ENTREP2: variants seen among roughly 807,000 people sequenced by gnomAD.
The protein encoded by ENTREP2 is protein ENTREP2.
At chr15:29,292,673 G>A in the ENTREP2 span, among the ~76,000 whole-genome samples, 1,405 of 152,196 alleles carry the variant, frequency 9.2e-3, 20 homozygotes, top group Admixed American at 0.038. Flanking sequence ...GAGCCACTGC[G>A]CCCAGCAATG....
At chr15:29,465,017 G>C in the ENTREP2 span, among the ~76,000 whole-genome samples, 2 of 152,040 alleles carry the variant, frequency 1.3e-5, no homozygotes, top group African/African-American at 4.8e-5. Flanking sequence ...GGACACAGTG[G>C]AAAGGAAAAA....
the ENTREP2 span, among the ~76,000 whole-genome samples, chr15:29,543,794 C>T: frequency 6.7e-6 from 1 of 150,274 alleles, no homozygotes; most frequent in Non-Finnish European, 1.5e-5. Flanking sequence ...AAAAAAAAAT[C>T]CCCCAAAAAA....
At chr15:29,571,225 G>C in the ENTREP2 span, among the ~76,000 whole-genome samples, 1 of 152,182 alleles carries the variant, frequency 6.6e-6, no homozygotes, top group Non-Finnish European at 1.5e-5. Context: ...GCAGGTCTGC[G>C]GAAGGAGAGC....
chr15:29,223,895 G>C, the ENTREP2 span, among the ~76,000 whole-genome samples: 3 of 152,190 alleles, frequency 2.0e-5, no homozygotes, highest in South Asian at 2.1e-4. Context: ...AGACGTCCCA[G>C]TGCACATGAA....
At chr15:29,321,137 G>T in the ENTREP2 span, among the ~76,000 whole-genome samples, 2 of 152,004 alleles carry the variant, frequency 1.3e-5, no homozygotes, top group Non-Finnish European at 2.9e-5. Context: ...AAAACTCTAC[G>T]CTGAGGCATC....
At chr15:29,312,563 A>C in the ENTREP2 span, among the ~76,000 whole-genome samples, 2 of 152,164 alleles carry the variant, frequency 1.3e-5, no homozygotes, top group South Asian at 4.1e-4. Context: ...AGTACATTTC[A>C]AACTTTTTCA....
the ENTREP2 span, among the ~76,000 whole-genome samples, chr15:29,167,674 T>C: frequency 6.6e-6 from 1 of 152,186 alleles, no homozygotes; most frequent in Non-Finnish European, 1.5e-5. Flanking sequence ...ACAGTAGATG[T>C]TGACATGGAT....
the ENTREP2 span, among the ~76,000 whole-genome samples, chr15:29,541,599 G>A: frequency 4.1e-4 from 63 of 152,100 alleles, no homozygotes; most frequent in Non-Finnish European, 7.2e-4. Context: ...CTGGGACCTC[G>A]GAGTCAGCTT....
At chr15:29,442,534 T>C in the ENTREP2 span, among the ~76,000 whole-genome samples, 1 of 152,236 alleles carries the variant, frequency 6.6e-6, no homozygotes, top group Admixed American at 6.5e-5. Context: ...GAACCAGTTC[T>C]GTTCTGCAAC....
At chr15:29,175,499 C>T in the ENTREP2 span, among the ~76,000 whole-genome samples, 2 of 152,178 alleles carry the variant, frequency 1.3e-5, no homozygotes, top group Admixed American at 6.5e-5. Context: ...GATTATGAGA[C>T]GCCCATCCAA....
the ENTREP2 span, among the ~76,000 whole-genome samples, chr15:29,210,560 A>C: frequency 1.3e-5 from 2 of 152,218 alleles, no homozygotes; most frequent in Non-Finnish European, 2.9e-5. Flanking sequence ...TCTAGGTTGC[A>C]CGCTCCTTAT....
the ENTREP2 span, among the ~76,000 whole-genome samples, chr15:29,210,897 TCTAA>T: frequency 6.6e-6 from 1 of 152,216 alleles, no homozygotes; most frequent in Admixed American, 6.5e-5. Context: ...TACAGCCTTC[TCTAA>T]CTATCTCTTA....
chr15:29,192,674 A>G, the ENTREP2 span, among the ~76,000 whole-genome samples: 1 of 152,214 alleles, frequency 6.6e-6, no homozygotes, highest in Non-Finnish European at 1.5e-5. Context: ...GGAAGAGTCA[A>G]ATGCAAATAC....
chr15:29,184,484 T>C, the ENTREP2 span, among the ~76,000 whole-genome samples: 1 of 152,256 alleles, frequency 6.6e-6, no homozygotes, highest in East Asian at 1.9e-4. Flanking sequence ...GAGGAAGCAA[T>C]GGATCTGGCA....
chr15:29,423,580 G>A, the ENTREP2 span, among the ~76,000 whole-genome samples: 1,477 of 150,410 alleles, frequency 9.8e-3, 34 homozygotes, highest in East Asian at 0.078. Flanking sequence ...GCGGTCAGGA[G>A]ATCGAGACCA....
At chr15:29,150,543 G>C in the ENTREP2 span, among the ~76,000 whole-genome samples, 1 of 152,124 alleles carries the variant, frequency 6.6e-6, no homozygotes, top group South Asian at 2.1e-4. Flanking sequence ...ACACGTTGGA[G>C]AAAATTGCCA....
At chr15:29,467,980 A>G in the ENTREP2 span, among the ~76,000 whole-genome samples, 1 of 152,082 alleles carries the variant, frequency 6.6e-6, no homozygotes, top group Admixed American at 6.5e-5. Context: ...TCCAGATGCC[A>G]AACAAACCGC....
chr15:29,618,348 G>T, the ENTREP2 span, among the ~76,000 whole-genome samples: 2 of 151,784 alleles, frequency 1.3e-5, no homozygotes, highest in Non-Finnish European at 2.9e-5. Flanking sequence ...GATTGAACCC[G>T]GGAGGCGGAG....
At chr15:29,577,870 C>A in the ENTREP2 span, among the ~76,000 whole-genome samples, 2 of 152,172 alleles carry the variant, frequency 1.3e-5, no homozygotes, top group African/African-American at 4.8e-5. Flanking sequence ...TATGAAGTAC[C>A]TAGAGTAGTC....
Sources: gnomAD v4.1 joint callset for allele counts (sites outside exome capture counted in the v4.1 genomes callset) on GRCh38, gnomAD v4.1.1 for gene constraint, MANE v1.5 for transcripts, NCBI Gene and HGNC (gene_info 2026-07-23, HGNC 2026-07-21) for gene names.